The following RPL24 variants were observed in gnomAD, a reference collection of about 807,000 sequenced individuals.
The protein encoded by RPL24 is large ribosomal subunit protein eL24.
A neutral mutation model predicts 26.4 loss-of-function variants in RPL24; 7 were observed. The ratio of observed to expected loss-of-function variants is 0.27; its 90% confidence interval spans 0.15 to 0.50. RPL24 has a LOEUF of 0.50. RPL24 is among the 20% of genes least tolerant of loss of function. The pLI is 0.98. For missense variants in RPL24, 109 were observed against 194.9 expected, an observed-to-expected ratio of 0.56 and a Z score of 2.62; for synonymous variants, 67 against 65.2, an observed-to-expected ratio of 1.03 and a Z score of -0.13.
At position 101,682,233 on chromosome 3, in the gene RPL24, G is replaced by A. The variant is rs538045188; in HGVS notation, c.393+196C>T. ...AACAAAAAATCAGCCGGGCGTGATG[G>A]CGCGCACCTGTACTCCCAGCTACTC... is the stretch of plus-strand genomic sequence containing the variant. On this transcript the variant is annotated intron_variant, in intron 5 of 5. Coordinates refer to ENST00000394077, the MANE Select transcript of RPL24 (RefSeq NM_000986.4). 7 of 570,488 alleles carry A rather than the reference G, an allele frequency of 1.2e-5. No homozygotes were observed. In the South Asian group the frequency reaches 1.5e-4, roughly 12 times the overall value. The allele number at this position is 570,488 out of a possible 1,614,324, so 35.3% of individuals were successfully genotyped here.
At chr3:101,683,488 T>C (rs544139505) in intron 3 of RPL24, among the ~76,000 whole-genome samples, 1 of 152,178 alleles carries the variant, frequency 6.6e-6, no homozygotes, top group Non-Finnish European at 1.5e-5. Context: ...TTAAAAACTT[T>C]TAACAAAAAT....
intron 3 of RPL24, among the ~76,000 whole-genome samples, chr3:101,684,588 G>T (rs539829281): frequency 6.6e-6 from 1 of 151,974 alleles, no homozygotes; most frequent in African/African-American, 2.4e-5. Context: ...AGACGAAATT[G>T]GGCAACATCG....
At chr3:101,684,964 C>G (rs1937316762) in intron 3 of RPL24, among the ~76,000 whole-genome samples, 1 of 151,650 alleles carries the variant, frequency 6.6e-6, no homozygotes, top group Non-Finnish European at 1.5e-5. Flanking sequence ...GCCGCTGCCA[C>G]CAAGCCCGGA....
chr3:101,682,694 G>A (rs2108338033), intron 4 of RPL24, 77 bp downstream of exon 4: 1 of 1,401,338 alleles, frequency 7.1e-7, no homozygotes, highest in Non-Finnish European at 9.9e-7. Flanking sequence ...AATCTATATG[G>A]TAACTTTAAT....
intron 3 of RPL24, among the ~76,000 whole-genome samples, chr3:101,684,139 G>T (rs372419744): frequency 1.3e-5 from 2 of 149,822 alleles, no homozygotes; most frequent in African/African-American, 4.9e-5. Context: ...AATTACAGGC[G>T]TGAGGCACTG....
chr3:101,683,722 T>C (rs536622607), intron 3 of RPL24, among the ~76,000 whole-genome samples: 4 of 151,354 alleles, frequency 2.6e-5, no homozygotes, highest in African/African-American at 9.7e-5. Context: ...TTTTTTTTTT[T>C]TTTAAAGACT....
At chr3:101,685,791 C>T (rs750364431) in intron 3 of RPL24, 27 bp downstream of exon 3, 4 of 1,309,260 alleles carry the variant, frequency 3.1e-6, no homozygotes, top group Non-Finnish European at 4.4e-6. Context: ...AGAGATAGCC[C>T]CCAACATCAA....
Position 101,686,655 on chromosome 3 carries a change from C to T in RPL24, c.5+17G>A. ...CCCGAGGATGTAAGCGGATTGGGAA[C>T]CACGGGTCGTGCTTACTTCATGGCG... On this transcript the variant is annotated intron_variant, in intron 1 of 5. Transcript: ENST00000394077. 1 of 1,614,228 alleles carries T rather than the reference C, an allele frequency of 6.2e-7. No homozygotes were observed. The highest frequency in any genetic ancestry group is 8.5e-7 in the Non-Finnish European group (1 of 1,180,026).
chr3:101,681,164 A>C lies in RPL24; in HGVS notation c.445T>G (p.Ser149Ala). Residue 149 changes from serine to alanine, a missense_variant, in exon 6 of 6, where the codon TCA (serine) becomes GCA (alanine). Coordinates refer to ENST00000394077, the MANE Select transcript of RPL24 (RefSeq NM_000986.4). ...KQKIVKPVKV[S>A]APRVGGKR ...CGTTTTCCACCAACTCGGGGAGCTGAAACTTTCACAGGCTTCACAATCTTT... is the reference window on the plus strand; with the variant it reads ...CGTTTTCCACCAACTCGGGGAGCTGCAACTTTCACAGGCTTCACAATCTTT... 3.1e-6 allele frequency: 5 copies of C among 1,613,838 alleles called. No homozygotes were observed. The highest frequency in any genetic ancestry group is 2.5e-6 in the Non-Finnish European group (3 of 1,179,730).
chr3:101,684,040 G>A (rs545843513), intron 3 of RPL24, among the ~76,000 whole-genome samples: 1 of 152,112 alleles, frequency 6.6e-6, no homozygotes, highest in East Asian at 1.9e-4. Flanking sequence ...GTAGAAACTG[G>A]GGTCTTCACT....
intron 3 of RPL24, among the ~76,000 whole-genome samples, chr3:101,684,757 AACAGAGGACCTGTCTCCCC>A (rs1937309692): frequency 8.5e-6 from 1 of 117,384 alleles, no homozygotes; most frequent in Middle Eastern, 5.1e-3. Flanking sequence ...CAGCCTGAGC[AACAGAGGACCTGTCTCCCC>A]AAAAAAAAAA....
chr3:101,686,325 T>G lies in RPL24; in HGVS notation c.81+157A>C, dbSNP rs1023284346. 9.5e-6 allele frequency: 6 copies of G among 629,028 alleles called. No individual in the cohort carries two copies. The African/African-American group carries it at 1.1e-4, about 12-fold the overall frequency. 39.0% of individuals were successfully genotyped at this position (629,028 alleles called of 1,614,324 possible). On this transcript the variant is annotated intron_variant, in intron 2 of 5. Transcript: ENST00000394077. ...CAATAAATAATCAACACTGGTTCAC[T>G]TAGAGGTTTCTGGTCCTAACGACCA... is the stretch of plus-strand genomic sequence containing the variant.
chr3:101,686,099 A>T, intron 2 of RPL24, 171 bp from the exon 3 acceptor site: 1 of 594,670 alleles, frequency 1.7e-6, no homozygotes, highest in Non-Finnish European at 3.0e-6. Context: ...ACTGTGTCAC[A>T]CTATGAAGGT....
rs1424412258 is a variant in RPL24 at position 101,685,934 on chromosome 3, G to C, written c.82-6C>G. The C allele has an allele frequency of 1.3e-6, 2 of 1,571,120 alleles. No homozygotes were observed. The highest frequency in any genetic ancestry group is 1.7e-5 in the Admixed American group (1 of 59,928). On this transcript the variant is annotated splice_polypyrimidine_tract_variant and splice_region_variant and intron_variant, in intron 2 of 5. Coordinates refer to ENST00000394077, the MANE Select transcript of RPL24 (RefSeq NM_000986.4). ...GCATTAAGAAACTGGAAAACCTAGA[G>C]TGACAAATGCAAAGGAATTACTATT...
Position 101,685,911 on chromosome 3 carries a change from A to G in RPL24, c.99T>C (p.Asn33=). 6.2e-7 allele frequency: 1 copy of G among 1,613,178 alleles called. No homozygotes were observed. The highest frequency in any genetic ancestry group is 1.7e-5 in the Admixed American group (1 of 60,022). Residue 33 remains asparagine, a synonymous_variant, in exon 3 of 6, where the codon AAT becomes AAC. Transcript: ENST00000394077. ...AAAGGAAAGCCGACTCGCATTTCGC[A>G]TTAAGAAACTGGAAAACCTAGAGTG... ...RTDGKVFQFL[N]AKCESAFLSK...
chr3:101,683,059 T>C, intron 3 of RPL24, 152 bp from the exon 4 acceptor site: 1 of 778,052 alleles, frequency 1.3e-6, no homozygotes, highest in Middle Eastern at 3.3e-4. Flanking sequence ...AAACATGTTT[T>C]CCCTTATGGA....
chr3:101,681,506 A>G, intron 5 of RPL24: 1 of 352,542 alleles, frequency 2.8e-6, no homozygotes, highest in Admixed American at 4.4e-5. Context: ...TCTCAGTAAC[A>G]GTACAGTGTT....
chr3:101,686,057 G>A, intron 2 of RPL24, 129 bp from the exon 3 acceptor site: 1 of 633,240 alleles, frequency 1.6e-6, no homozygotes, highest in Non-Finnish European at 2.8e-6. Flanking sequence ...AGGCCCACAA[G>A]GACCAAAAGG....
intron 3 of RPL24, among the ~76,000 whole-genome samples, chr3:101,683,647 ATTTT>A (rs945020958): frequency 6.7e-6 from 1 of 149,368 alleles, no homozygotes; most frequent in African/African-American, 2.5e-5. Context: ...ACACTTAAAC[ATTTT>A]TTTTATTGTG....
Sources: gnomAD v4.1 joint callset for allele counts (sites outside exome capture counted in the v4.1 genomes callset) on GRCh38, gnomAD v4.1.1 for gene constraint, MANE v1.5 for transcripts, NCBI Gene and HGNC (gene_info 2026-07-23, HGNC 2026-07-21) for gene names.